The following NFIB variants were observed in gnomAD, a reference collection of about 807,000 sequenced individuals.
NFIB encodes the protein nuclear factor 1 B-type.
Under a neutral mutation model 61.5 loss-of-function variants are expected in NFIB, and 11 were observed. The ratio of observed to expected loss-of-function variants is 0.18; its 90% CI spans 0.11 to 0.30. The LOEUF (loss-of-function observed/expected upper bound fraction) is 0.30. Ranked by LOEUF, NFIB falls within the 10% of genes least tolerant of loss-of-function variation. The pLI is 1.00. For synonymous variants in NFIB, 260 were observed against 216.5 expected (o/e 1.20, Z -1.76); for missense variants, 471 against 608.9 (o/e 0.77, Z 2.38).
chr9:14,205,708 G>C (rs1022727726), intron 2 of NFIB, among the ~76,000 whole-genome samples: 3 of 152,150 alleles, frequency 2.0e-5, no homozygotes, highest in African/African-American at 7.2e-5. Flanking sequence ...ATTCAGAGGT[G>C]AAAGATGAAT....
intron 3 of NFIB, among the ~76,000 whole-genome samples, chr9:14,169,331 G>T (rs2045301612): frequency 6.6e-6 from 1 of 152,068 alleles, no homozygotes; most frequent in South Asian, 2.1e-4. Flanking sequence ...ACTGCGCAAG[G>T]GGAAGATATG....
At chr9:14,133,208 AC>A (rs1379346313) in intron 6 of NFIB, among the ~76,000 whole-genome samples, 6 of 152,158 alleles carry the variant, frequency 3.9e-5, no homozygotes, top group African/African-American at 1.4e-4. Flanking sequence ...TTCTAGATAA[AC>A]AAAAACTCTG....
At chr9:14,125,375 C>T (rs187975594) in intron 7 of NFIB, among the ~76,000 whole-genome samples, 4 of 152,258 alleles carry the variant, frequency 2.6e-5, no homozygotes, top group African/African-American at 9.6e-5. Flanking sequence ...TCAGGCTAGT[C>T]TTGAACACCT....
At chr9:14,298,743 T>C (rs2059588796) in intron 2 of NFIB, among the ~76,000 whole-genome samples, 1 of 152,168 alleles carries the variant, frequency 6.6e-6, no homozygotes, top group Non-Finnish European at 1.5e-5. Flanking sequence ...TATTACACAA[T>C]AGAAAGGTCA....
intron 1 of NFIB, among the ~76,000 whole-genome samples, chr9:14,328,719 T>C (rs1400942117): frequency 1.3e-5 from 2 of 152,106 alleles, no homozygotes; most frequent in Non-Finnish European, 2.9e-5. Flanking sequence ...ATTTGTATTG[T>C]TGATATTAGT....
At chr9:14,468,454 A>G in the NFIB span, among the ~76,000 whole-genome samples, 1 of 152,186 alleles carries the variant, frequency 6.6e-6, no homozygotes, top group Admixed American at 6.5e-5. Flanking sequence ...ATGAATAGAG[A>G]TGCATTCTTT....
At chr9:14,166,341 A>G (rs1397028414) in intron 3 of NFIB, among the ~76,000 whole-genome samples, 1 of 152,206 alleles carries the variant, frequency 6.6e-6, no homozygotes, top group Non-Finnish European at 1.5e-5. Flanking sequence ...AGTAATAAAG[A>G]ATATATTTCC....
chr9:14,417,375 T>A, the NFIB span, among the ~76,000 whole-genome samples: 2 of 152,174 alleles, frequency 1.3e-5, no homozygotes, highest in East Asian at 3.8e-4. Context: ...GGCTACACCA[T>A]CTGGGTTTGT....
intron 2 of NFIB, among the ~76,000 whole-genome samples, chr9:14,231,817 C>T (rs1221413477): frequency 6.6e-6 from 1 of 152,058 alleles, no homozygotes; most frequent in African/African-American, 2.4e-5. Context: ...GCAAGCTGGC[C>T]GATTTTAAGC....
the NFIB span, among the ~76,000 whole-genome samples, chr9:14,498,793 C>CCCTCCCTTCCTCCCTT: frequency 1.6e-4 from 7 of 42,782 alleles, no homozygotes; most frequent in East Asian, 3.1e-3. Context: ...CTCCCTCCCT[C>CCCTCCCTTCCTCCCTT]CCTCCCTTCC....
At chr9:14,225,529 G>C (rs1360639575) in intron 2 of NFIB, among the ~76,000 whole-genome samples, 1 of 151,058 alleles carries the variant, frequency 6.6e-6, no homozygotes, top group East Asian at 1.9e-4. Context: ...CAATGATTGA[G>C]CTTGTGCTGA....
At chr9:14,207,445 G>A (rs1368670583) in intron 2 of NFIB, among the ~76,000 whole-genome samples, 4 of 152,234 alleles carry the variant, frequency 2.6e-5, no homozygotes, top group African/African-American at 9.6e-5. Flanking sequence ...GTTTGGTAAT[G>A]TGTACAAACT....
At chr9:14,382,978 G>T (rs1466881433) in intron 1 of NFIB, among the ~76,000 whole-genome samples, 1 of 152,162 alleles carries the variant, frequency 6.6e-6, no homozygotes, top group Admixed American at 6.6e-5. Flanking sequence ...ACAGAATACA[G>T]CACAATTTGG....
At chr9:14,274,730 C>G (rs1188893199) in intron 2 of NFIB, among the ~76,000 whole-genome samples, 1 of 152,152 alleles carries the variant, frequency 6.6e-6, no homozygotes. Flanking sequence ...CTAAGTCGAA[C>G]TGGGCTAAAA....
At chr9:14,468,535 G>T in the NFIB span, among the ~76,000 whole-genome samples, 6 of 152,182 alleles carry the variant, frequency 3.9e-5, no homozygotes, top group Non-Finnish European at 5.9e-5. Flanking sequence ...CTTTAATTTT[G>T]TTGCACTATT....
the NFIB span, among the ~76,000 whole-genome samples, chr9:14,529,049 A>G: frequency 6.6e-6 from 1 of 152,210 alleles, no homozygotes. Flanking sequence ...AGGATGCGTC[A>G]TTTTAAAAAC....
intron 2 of NFIB, among the ~76,000 whole-genome samples, chr9:14,260,659 C>T (rs976134812): frequency 6.6e-6 from 1 of 152,182 alleles, no homozygotes; most frequent in Non-Finnish European, 1.5e-5. Flanking sequence ...GCCAGTCGAG[C>T]ATATCTGAAC....
chr9:14,264,325 C>T (rs140047685), intron 2 of NFIB, among the ~76,000 whole-genome samples: 1,632 of 152,248 alleles, frequency 0.011, 38 homozygotes, highest in African/African-American at 0.037. Flanking sequence ...AGTCAACAAC[C>T]ATTCTTTTCC....
the NFIB span, among the ~76,000 whole-genome samples, chr9:14,506,540 G>A: frequency 1.3e-5 from 2 of 152,134 alleles, no homozygotes; most frequent in Non-Finnish European, 2.9e-5. Context: ...ATAACATGAA[G>A]CAAATAATTA....
Sources: gnomAD v4.1 joint callset for allele counts (sites outside exome capture counted in the v4.1 genomes callset) on GRCh38, gnomAD v4.1.1 for gene constraint, MANE v1.5 for transcripts, NCBI Gene and HGNC (gene_info 2026-07-23, HGNC 2026-07-21) for gene names.